Variants in HHIP observed in about 807,000 individuals in gnomAD.
HHIP encodes hedgehog-interacting protein.
A neutral mutation model predicts 74.0 loss-of-function variants in HHIP; 12 were observed. The observed-to-expected ratio is 0.16, with a 90% CI of 0.10 to 0.26. HHIP has a LOEUF of 0.26. HHIP is among the 10% of genes least tolerant of loss of function. The probability of loss-of-function intolerance (pLI) is 1.00; values close to 1 mark genes in which losing one functional copy is unlikely to be tolerated. For synonymous variants in HHIP, 309 were observed against 311.6 expected (o/e 0.99, Z 0.09); for missense variants, 788 against 845.0 (o/e 0.93, Z 0.84).
intron 4 of HHIP, among the ~76,000 whole-genome samples, chr4:144,703,275 A>G (rs1730041876): frequency 6.6e-6 from 1 of 152,104 alleles, no homozygotes; most frequent in Non-Finnish European, 1.5e-5. Context: ...GACTGCCTGA[A>G]TCACGACTCT....
At chr4:144,702,092 G>A (rs1730002742) in intron 4 of HHIP, among the ~76,000 whole-genome samples, 1 of 152,094 alleles carries the variant, frequency 6.6e-6, no homozygotes, top group Non-Finnish European at 1.5e-5. Flanking sequence ...GTTCAAGGCT[G>A]CAGTGAGCCA....
At chr4:144,702,868 G>T (rs1730024915) in intron 4 of HHIP, among the ~76,000 whole-genome samples, 1 of 152,128 alleles carries the variant, frequency 6.6e-6, no homozygotes, top group African/African-American at 2.4e-5. Flanking sequence ...ACAAATCACT[G>T]CTTTTCACAT....
At position 144,745,055 on chromosome 4, in the gene HHIP, A is replaced by G. The variant is rs924369166; in HGVS notation, c.*7098A>G. ...CAAGTGTATTTGTGTTATCTTTAAA[A>G]TAGAACAATTGTATCTTGAAGTGGT... On this transcript the variant is annotated 3_prime_UTR_variant, in exon 13 of 13. Coordinates refer to ENST00000296575, the MANE Select transcript of HHIP (RefSeq NM_022475.3). 1 of 152,254 alleles carries G rather than the reference A, an allele frequency of 6.6e-6. No individual in the cohort carries two copies. The highest frequency in any genetic ancestry group is 1.5e-5 in the Non-Finnish European group (1 of 68,040). 9.4% of individuals were successfully genotyped at this position (152,254 alleles called of 1,614,324 possible).
rs1456680242 is a variant in HHIP, at chr4:144,676,591, T to A, written c.831+16753T>A. ...GACGAAAACACACACTCATAATGTG[T>A]TCTATGCAATGAACAAGGCCCATCT... is the stretch of plus-strand genomic sequence containing the variant. On this transcript the variant is annotated intron_variant, in intron 4 of 12. Transcript: ENST00000296575. Among the ~76,000 whole-genome samples the A allele has an allele frequency of 2.0e-5, 3 of 152,290 alleles. No individual in the cohort carries two copies. The East Asian group carries it at 5.8e-4, about 29-fold the overall frequency.
intron 7 of HHIP, among the ~76,000 whole-genome samples, chr4:144,709,764 C>T (rs1440404866): frequency 6.6e-6 from 1 of 152,144 alleles, no homozygotes; most frequent in Non-Finnish European, 1.5e-5. Flanking sequence ...TCCCACTCCC[C>T]TTTTATTAAT....
At chr4:144,665,230 G>T (rs1728828366) in intron 4 of HHIP, among the ~76,000 whole-genome samples, 2 of 151,868 alleles carry the variant, frequency 1.3e-5, no homozygotes, top group African/African-American at 4.8e-5. Context: ...CACAATGCCT[G>T]GCTAATTTTT....
chr4:144,688,162 A>G (rs1452985742), intron 4 of HHIP, among the ~76,000 whole-genome samples: 1 of 152,140 alleles, frequency 6.6e-6, no homozygotes, highest in Non-Finnish European at 1.5e-5. Flanking sequence ...TCTTCTGTGA[A>G]CATTGCATAA....
chr4:144,710,530 C>A (rs181620492), intron 7 of HHIP, among the ~76,000 whole-genome samples: 26 of 152,270 alleles, frequency 1.7e-4, no homozygotes, highest in African/African-American at 5.1e-4. Context: ...AGAACCAGCA[C>A]CAACTCTCAA....
intron 11 of HHIP, among the ~76,000 whole-genome samples, chr4:144,734,137 C>T (rs1414862976): frequency 4.6e-5 from 7 of 151,082 alleles, no homozygotes; most frequent in Non-Finnish European, 1.0e-4. Context: ...TAAACTTCAA[C>T]TCAATAGTAT....
intron 4 of HHIP, among the ~76,000 whole-genome samples, chr4:144,686,032 TCTTTTTTG>T (rs906874453): frequency 1.3e-5 from 2 of 152,196 alleles, no homozygotes; most frequent in Admixed American, 6.5e-5. Context: ...CATACAGCCT[TCTTTTTTG>T]CCAACTGAAC....
intron 4 of HHIP, among the ~76,000 whole-genome samples, chr4:144,699,042 G>A (rs1729902847): frequency 6.6e-6 from 1 of 152,088 alleles, no homozygotes; most frequent in Non-Finnish European, 1.5e-5. Flanking sequence ...CACACCAATT[G>A]TGCGTCCAAC....
intron 4 of HHIP, among the ~76,000 whole-genome samples, chr4:144,697,036 C>T (rs780051902): frequency 7.2e-5 from 11 of 151,910 alleles, no homozygotes; most frequent in Non-Finnish European, 1.5e-4. Flanking sequence ...ACAGTTCAGT[C>T]TAGAATTTTT....
chr4:144,707,530 C>G (rs998513754), intron 6 of HHIP, among the ~76,000 whole-genome samples: 12 of 151,528 alleles, frequency 7.9e-5, no homozygotes, highest in Non-Finnish European at 1.6e-4. Flanking sequence ...AAGCAGTGGC[C>G]CTGTACAACC....
At chr4:144,705,473 C>T (rs1209524901) in intron 4 of HHIP, among the ~76,000 whole-genome samples, 1 of 152,088 alleles carries the variant, frequency 6.6e-6, no homozygotes, top group Non-Finnish European at 1.5e-5. Context: ...AGGTGATGTG[C>T]CATCAGCAGT....
At chr4:144,671,203 G>C (rs911344354) in intron 4 of HHIP, among the ~76,000 whole-genome samples, 1 of 152,038 alleles carries the variant, frequency 6.6e-6, no homozygotes, top group Non-Finnish European at 1.5e-5. Flanking sequence ...TATCACCCTG[G>C]GGTTGATCAC....
chr4:144,670,625 G>A (rs969891850), intron 4 of HHIP, among the ~76,000 whole-genome samples: 1 of 150,870 alleles, frequency 6.6e-6, no homozygotes, highest in African/African-American at 2.4e-5. Context: ...TCTGTCCTCA[G>A]GCTTTTCTAG....
At chr4:144,692,842 C>T (rs1012889759) in intron 4 of HHIP, among the ~76,000 whole-genome samples, 12 of 151,860 alleles carry the variant, frequency 7.9e-5, no homozygotes, top group East Asian at 1.9e-4. Flanking sequence ...GTGGTAAAAC[C>T]GAGACACAGA....
In HHIP at chr4:144,714,282, G is replaced by T. The variant is rs1320407211; in HGVS notation, c.1481G>T (p.Gly494Val). 1.2e-6 allele frequency: 2 copies of T among 1,613,312 alleles called. No individual in the cohort carries two copies. Among genetic ancestry groups the T allele is most frequent in the Admixed American group, 3.3e-5 (2 of 59,936 alleles). The change falls in exon 9 of 13, where the codon GGA becomes GTA. Residue 494 changes from glycine to valine, a missense_variant. By Grantham distance (109) the Gly-to-Val change is moderately radical. This residue lies in a region of HHIP where 343 missense variants were observed against 347.9 expected (regional missense o/e 0.99). Transcript: ENST00000296575. ...KPFSNGPLVG[G>V]FVYRGCQSER... ...TTCAGTAATGGTCCTTTGGTTGGTGGATTTGTATACCGGGGCTGCCAGTCA... is the reference window on the plus strand; with the variant it reads ...TTCAGTAATGGTCCTTTGGTTGGTGTATTTGTATACCGGGGCTGCCAGTCA...
At position 144,712,036 on chromosome 4, in the gene HHIP, C is replaced by A. The variant is rs1730321253; in HGVS notation, c.1388C>A (p.Ala463Asp). The A allele has an allele frequency of 6.2e-7, 1 of 1,612,390 alleles. No homozygotes were observed. Among genetic ancestry groups the A allele is most frequent in the African/African-American group, 1.3e-5 (1 of 74,810 alleles). The change falls in exon 8 of 13, where the codon GCC (alanine) becomes GAC (aspartate). Residue 463 changes from alanine to aspartate, a missense_variant. By Grantham distance (126) the Ala-to-Asp change is moderately radical (BLOSUM62 -2). Coordinates refer to ENST00000296575, the MANE Select transcript of HHIP (RefSeq NM_022475.3). ...TCCAATGGAAAAAACAGATCATCAG[C>A]CAGAATTCTACAGATAATAAAGGGG... ...SDSNGKNRSS[A>D]RILQIIKGKD...
Sources: gnomAD v4.1 joint callset for allele counts (sites outside exome capture counted in the v4.1 genomes callset) on GRCh38, gnomAD v4.1.1 for gene constraint, gnomAD v4.1.1 regional missense constraint, MANE v1.5 for transcripts, NCBI Gene and HGNC (gene_info 2026-07-23, HGNC 2026-07-21) for gene names.